Variants in ADAMTSL3 observed in about 807,000 individuals in gnomAD.
ADAMTSL3 encodes ADAMTS like 3, also known as ADAMTS-like protein 3.
Under a neutral mutation model 201.7 loss-of-function variants are expected in ADAMTSL3, and 128 were observed. That is an observed-to-expected ratio of 0.63 (90% CI 0.55 to 0.73). The LOEUF is 0.73. Among genes scored for constraint, ADAMTSL3 ranks in the 30% least tolerant of loss-of-function variants. The pLI is 0.00. For missense variants in ADAMTSL3, 1,990 were observed against 2,119.6 expected (o/e 0.94, Z 1.20); for synonymous variants, 738 against 748.4 (o/e 0.99, Z 0.23).
intron 3 of ADAMTSL3, among the ~76,000 whole-genome samples, chr15:83,732,077 A>T (rs974770933): frequency 6.6e-6 from 1 of 152,080 alleles, no homozygotes; most frequent in Non-Finnish European, 1.5e-5. Flanking sequence ...GGAGATGGAT[A>T]TGTTAATTTG....
At chr15:83,919,136 G>T (rs1200722063) in intron 16 of ADAMTSL3, among the ~76,000 whole-genome samples, 2 of 152,152 alleles carry the variant, frequency 1.3e-5, no homozygotes, top group African/African-American at 4.8e-5. Context: ...TAAGTAGTCA[G>T]TTGGATGTGT....
intron 6 of ADAMTSL3, among the ~76,000 whole-genome samples, chr15:83,824,519 A>C (rs2063976762): frequency 6.6e-6 from 1 of 151,974 alleles, no homozygotes; most frequent in Admixed American, 6.6e-5. Context: ...ATTAGGCCTC[A>C]CTCTTGGTGT....
chr15:83,836,760 T>C (rs1039072665), intron 6 of ADAMTSL3, among the ~76,000 whole-genome samples: 3 of 152,216 alleles, frequency 2.0e-5, no homozygotes, highest in African/African-American at 7.2e-5. Flanking sequence ...GGTATTATTA[T>C]CTCTATTTTA....
chr15:83,755,972 G>T (rs2062713303), intron 3 of ADAMTSL3, among the ~76,000 whole-genome samples: 1 of 152,250 alleles, frequency 6.6e-6, no homozygotes, highest in East Asian at 1.9e-4. Flanking sequence ...TGTTGGCCAG[G>T]CTGCTCTCGA....
At position 83,890,296 on chromosome 15, in the gene ADAMTSL3, G is replaced by A. The variant is rs1393896726; in HGVS notation, c.1211+49G>A. 1.9e-6 allele frequency: 3 copies of A among 1,599,664 alleles called. No homozygotes were observed. In the African/African-American group the frequency reaches 4.0e-5, roughly 21 times the overall value. On this transcript the variant is annotated intron_variant, in intron 11 of 29. Transcript: ENST00000286744. Reference sequence around the variant, plus strand: ...TTTTACTTCAAAAAGAAACAAATCAGCTTCAACTGAGACTGATCAATCTTT... The same window carrying A: ...TTTTACTTCAAAAAGAAACAAATCAACTTCAACTGAGACTGATCAATCTTT...
chr15:83,809,167 T>G (rs982926113), intron 5 of ADAMTSL3, among the ~76,000 whole-genome samples: 3 of 152,076 alleles, frequency 2.0e-5, no homozygotes, highest in African/African-American at 7.3e-5. Context: ...AATGATAAAT[T>G]TTTGAGGTGG....
chr15:83,825,317 A>C (rs8031186), intron 6 of ADAMTSL3, among the ~76,000 whole-genome samples: 40,318 of 152,160 alleles, frequency 0.26, 6,942 homozygotes, highest in African/African-American at 0.46. Context: ...AATTGTTATT[A>C]AAAGCAATTT....
At chr15:83,934,506 T>C (rs960276502) in intron 17 of ADAMTSL3, among the ~76,000 whole-genome samples, 1 of 152,318 alleles carries the variant, frequency 6.6e-6, no homozygotes, top group East Asian at 1.9e-4. Flanking sequence ...ACTTGGACTT[T>C]TAGGCCAATG....
At position 83,960,174 on chromosome 15, in the gene ADAMTSL3, C is replaced by T. The variant is rs569275849; in HGVS notation, c.2491-10310C>T. ...TACTGAAAAATAATAATAATTAGGGCTTTCTGTTAAAAGATGTCACTAAAG... is the reference window on the plus strand; with the variant it reads ...TACTGAAAAATAATAATAATTAGGGTTTTCTGTTAAAAGATGTCACTAAAG... On this transcript the variant is annotated intron_variant, in intron 19 of 29. Coordinates refer to ENST00000286744, the MANE Select transcript of ADAMTSL3 (RefSeq NM_207517.3). Among the ~76,000 whole-genome samples the T allele has an allele frequency of 5.1e-4, 78 of 152,240 alleles. 4 individuals carry two copies. The highest frequency in any genetic ancestry group is 4.0e-4 in the Non-Finnish European group (27 of 68,018).
intron 21 of ADAMTSL3, among the ~76,000 whole-genome samples, chr15:83,985,958 A>AT (rs900404407): frequency 2.7e-3 from 396 of 144,664 alleles, no homozygotes; most frequent in Middle Eastern, 3.6e-3. Context: ...GGAAACTGGC[A>AT]TTTTTTTTTT....
intron 15 of ADAMTSL3, among the ~76,000 whole-genome samples, chr15:83,905,296 C>T (rs539543425): frequency 1.3e-5 from 2 of 152,242 alleles, no homozygotes; most frequent in South Asian, 2.1e-4. Context: ...TGGTGTTATT[C>T]GGGATCAGGG....
At chr15:83,945,682 A>G (rs2066641954) in intron 19 of ADAMTSL3, 1 of 152,174 alleles carries the variant, frequency 6.6e-6, no homozygotes, top group Non-Finnish European at 1.5e-5. Context: ...AAGGGCCACA[A>G]TTTTGTGGGG....
intron 7 of ADAMTSL3, among the ~76,000 whole-genome samples, chr15:83,843,789 G>T (rs1218043382): frequency 2.0e-5 from 3 of 152,058 alleles, no homozygotes; most frequent in East Asian, 3.9e-4. Flanking sequence ...TTTCCATCAC[G>T]CAGTGAGGCA....
At chr15:83,681,382 A>G (rs2141424929) in intron 2 of ADAMTSL3, among the ~76,000 whole-genome samples, 1 of 152,334 alleles carries the variant, frequency 6.6e-6, no homozygotes, top group East Asian at 1.9e-4. Flanking sequence ...ATGTGGACAT[A>G]CTTAACTTCA....
chr15:83,962,300 A>G (rs374171429), intron 19 of ADAMTSL3: 76 of 152,296 alleles, frequency 5.0e-4, no homozygotes, highest in African/African-American at 1.8e-3. Flanking sequence ...TATTAACAAC[A>G]TAAGATTGGA....
intron 7 of ADAMTSL3, among the ~76,000 whole-genome samples, chr15:83,858,257 A>G (rs2064782572): frequency 6.6e-6 from 1 of 152,224 alleles, no homozygotes; most frequent in Admixed American, 6.5e-5. Context: ...GAGTAAAGGT[A>G]ATTGAGGTAG....
At chr15:83,895,523 A>G (rs1437734995) in intron 13 of ADAMTSL3, among the ~76,000 whole-genome samples, 2 of 152,124 alleles carry the variant, frequency 1.3e-5, no homozygotes, top group Middle Eastern at 3.2e-3. Context: ...ACTTTTTTCA[A>G]AAATCAAATA....
At chr15:83,716,639 G>T (rs571515668) in intron 3 of ADAMTSL3, among the ~76,000 whole-genome samples, 12 of 151,928 alleles carry the variant, frequency 7.9e-5, no homozygotes, top group Admixed American at 7.2e-4. Context: ...GTGTGTGTGT[G>T]TTTGTAATTA....
chr15:83,698,293 T>C (rs2061715839), intron 2 of ADAMTSL3, among the ~76,000 whole-genome samples: 1 of 151,856 alleles, frequency 6.6e-6, no homozygotes, highest in African/African-American at 2.4e-5. Context: ...CTCTTGTCCT[T>C]GACTAGCCAT....
Sources: gnomAD v4.1 joint callset for allele counts (sites outside exome capture counted in the v4.1 genomes callset) on GRCh38, gnomAD v4.1.1 for gene constraint, MANE v1.5 for transcripts, NCBI Gene and HGNC (gene_info 2026-07-23, HGNC 2026-07-21) for gene names.